The following PCDH9 variants were observed in gnomAD, a reference collection of about 807,000 sequenced individuals.
PCDH9 encodes protocadherin-9.
In PCDH9, 24 loss-of-function variants were observed where a neutral mutation model predicts 70.6. The observed-to-expected ratio is 0.34, with a 90% CI of 0.25 to 0.48. The LOEUF (loss-of-function observed/expected upper bound fraction) is 0.48, where lower values mean the gene tolerates loss of function less well. PCDH9 is among the 20% of genes least tolerant of loss of function. The probability of loss-of-function intolerance (pLI) is 0.99; values close to 1 mark genes in which losing one functional copy is unlikely to be tolerated. For synonymous variants in PCDH9, 562 were observed against 558.5 expected (o/e 1.01, Z -0.09); for missense variants, 1,281 against 1,503.6 (o/e 0.85, Z 2.45).
rs1052799236 is a variant in PCDH9, at chr13:67,076,231, A to G, written c.3036+149174T>C. ...AGTTACAGATCTCTTAAAGACAGTAATAAATGTAAATCTCCACTTGGGAGT... is the reference window on the plus strand; with the variant it reads ...AGTTACAGATCTCTTAAAGACAGTAGTAAATGTAAATCTCCACTTGGGAGT... On this transcript the variant is annotated intron_variant, in intron 2 of 4. Coordinates refer to ENST00000377865, the MANE Select transcript of PCDH9 (RefSeq NM_203487.3). Among the ~76,000 whole-genome samples the G allele has an allele frequency of 8.5e-5, 13 of 152,312 alleles. No homozygotes were observed. The East Asian group carries it at 2.1e-3, about 25-fold the overall frequency.
intron 2 of PCDH9, chr13:66,991,223 A>G (rs763627385): frequency 6.6e-6 from 1 of 152,092 alleles, no homozygotes; most frequent in Non-Finnish European, 1.5e-5. Flanking sequence ...TGTAAACCCA[A>G]TTTTGTAAGA....
At chr13:67,011,411 T>C (rs1481687496) in intron 2 of PCDH9, among the ~76,000 whole-genome samples, 1 of 151,940 alleles carries the variant, frequency 6.6e-6, no homozygotes, top group African/African-American at 2.4e-5. Flanking sequence ...TTTTCTAAAA[T>C]AAAACTATTT....
intron 3 of PCDH9, among the ~76,000 whole-genome samples, chr13:66,832,990 A>T (rs1224530295): frequency 6.6e-6 from 1 of 152,148 alleles, no homozygotes; most frequent in East Asian, 1.9e-4. Context: ...ACCTCTTCAC[A>T]TCATAACAGA....
At chr13:66,460,784 G>A (rs981086237) in intron 4 of PCDH9, among the ~76,000 whole-genome samples, 1 of 151,810 alleles carries the variant, frequency 6.6e-6, no homozygotes, top group African/African-American at 2.4e-5. Context: ...CTCCACACCT[G>A]CAGAAATGCC....
intron 2 of PCDH9, among the ~76,000 whole-genome samples, chr13:66,970,074 C>T (rs2083493472): frequency 6.6e-6 from 1 of 151,920 alleles, no homozygotes; most frequent in South Asian, 2.1e-4. Flanking sequence ...AAAAACAAAC[C>T]TGCCTCAGAC....
intron 2 of PCDH9, among the ~76,000 whole-genome samples, chr13:66,984,285 T>G (rs1462349632): frequency 5.9e-5 from 9 of 152,160 alleles, no homozygotes; most frequent in Non-Finnish European, 1.3e-4. Context: ...TCTACAAGGG[T>G]TTCCTTAACA....
chr13:66,978,411 G>T (rs1406698172), intron 2 of PCDH9: 1 of 151,586 alleles, frequency 6.6e-6, no homozygotes, highest in Non-Finnish European at 1.5e-5. Context: ...TGCAATTTCT[G>T]CATGACTGCA....
intron 2 of PCDH9, among the ~76,000 whole-genome samples, chr13:67,054,511 A>C (rs2085381210): frequency 6.6e-6 from 1 of 152,192 alleles, no homozygotes; most frequent in Admixed American, 6.5e-5. Flanking sequence ...GCAGCCTCAG[A>C]AATTAGATAA....
chr13:66,574,025 C>T (rs1009002957), intron 4 of PCDH9, among the ~76,000 whole-genome samples: 7 of 152,070 alleles, frequency 4.6e-5, no homozygotes, highest in African/African-American at 1.2e-4. Flanking sequence ...TCATTTTGGA[C>T]GAAATCACCT....
intron 2 of PCDH9, among the ~76,000 whole-genome samples, chr13:67,166,470 A>G (rs2088119297): frequency 1.3e-5 from 2 of 152,194 alleles, no homozygotes; most frequent in Admixed American, 1.3e-4. Flanking sequence ...ATACAAAATG[A>G]GGATATTTGA....
intron 3 of PCDH9, among the ~76,000 whole-genome samples, chr13:66,849,513 TATATAG>T (rs1341840704): frequency 6.3e-4 from 49 of 77,222 alleles, no homozygotes; most frequent in East Asian, 1.8e-3. Context: ...TATATATATA[TATATAG>T]AGAGAGAGAG....
At chr13:67,068,381 T>G (rs2085693153) in intron 2 of PCDH9, among the ~76,000 whole-genome samples, 1 of 152,136 alleles carries the variant, frequency 6.6e-6, no homozygotes. Flanking sequence ...TATGCATTAT[T>G]ATAATCTGGA....
rs138108492 is a variant in PCDH9 at position 67,227,865 on chromosome 13, G to A, written c.576C>T (p.Ile192=). The A allele has an allele frequency of 9.9e-6, 16 of 1,613,840 alleles. No individual in the cohort carries two copies. Among genetic ancestry groups the A allele is most frequent in the Admixed American group, 8.3e-5 (5 of 60,034 alleles). The change falls in exon 2 of 5, where the codon ATC becomes ATT. Residue 192 remains isoleucine (I), a synonymous_variant. Transcript: ENST00000377865. This position sits in a 1 kb window ranked among gnomAD's most constrained non-coding sequence, Gnocchi z 4.6. ...ACTTCTCTCCCTCTGGAGTTTCCAC[G>A]ATATCCAGTCCAAAAACACTCTGCC... ...LNGQSVFGLD[I]VETPEGEKWP...
chr13:67,073,708 T>TA (rs1451597814), intron 2 of PCDH9, among the ~76,000 whole-genome samples: 2 of 152,132 alleles, frequency 1.3e-5, no homozygotes, highest in Non-Finnish European at 2.9e-5. Flanking sequence ...TTTTAATTGA[T>TA]AGCATTACTT....
chr13:66,871,076 A>C (rs944901749), intron 3 of PCDH9, among the ~76,000 whole-genome samples: 7 of 152,130 alleles, frequency 4.6e-5, no homozygotes, highest in Non-Finnish European at 1.0e-4. Context: ...TGATGAGTTC[A>C]TGTCCTTTGT....
chr13:67,152,722 T>TTGATTCA (rs71211556), intron 2 of PCDH9, among the ~76,000 whole-genome samples: 23,779 of 152,098 alleles, frequency 0.16, 2,198 homozygotes, highest in Non-Finnish European at 0.2. Context: ...GTAAAGCCTC[T>TTGATTCA]TGATTCATAT....
At chr13:66,605,540 C>T (rs559082623) in intron 4 of PCDH9, among the ~76,000 whole-genome samples, 1 of 152,168 alleles carries the variant, frequency 6.6e-6, no homozygotes, top group African/African-American at 2.4e-5. Context: ...ATAATGAAGC[C>T]TCATCTATAT....
At chr13:66,895,397 TG>T (rs1318751945) in intron 3 of PCDH9, among the ~76,000 whole-genome samples, 6 of 152,150 alleles carry the variant, frequency 3.9e-5, no homozygotes, top group Admixed American at 3.9e-4. Flanking sequence ...TTTTTAGCTT[TG>T]CCATGTCTAC....
Position 66,495,200 on chromosome 13 carries a change from C to T in PCDH9, c.3340+136010G>A, listed in dbSNP as rs1402633653. 5.3e-5 allele frequency among the ~76,000 whole-genome samples: 8 copies of T among 152,204 alleles called. No homozygotes were observed. In the East Asian group the frequency reaches 9.6e-4, roughly 18 times the overall value. The stretch of plus-strand genomic sequence containing the variant: ...ACAAAAAGAAAATTAAAAATTCTGG[C>T]AAACAATTAGAGATTTTTGTTAGCA... On this transcript the variant is annotated intron_variant, in intron 4 of 4. Transcript: ENST00000377865.
Sources: allele counts gnomAD v4.1 joint callset (sites outside exome capture counted in the v4.1 genomes callset), GRCh38; gene constraint gnomAD v4.1.1; non-coding constraint Gnocchi (gnomAD v3.1); transcripts MANE v1.5; gene names NCBI Gene and HGNC (gene_info 2026-07-23, HGNC 2026-07-21).